Variants in XAB2 observed in about 807,000 individuals in gnomAD.
XAB2 encodes the protein XPA binding protein 2, also known as pre-mRNA-splicing factor SYF1.
In XAB2, 57 loss-of-function variants were observed where a neutral mutation model predicts 113.4. That is an observed-to-expected ratio of 0.50 (90% CI 0.41 to 0.63). XAB2 has a LOEUF of 0.63. XAB2 is among the 20% of genes least tolerant of loss of function. The pLI, the probability that XAB2 is intolerant of heterozygous loss-of-function variation, is 0.00. For synonymous variants in XAB2, 497 were observed against 498.8 expected (o/e 1.00, Z 0.05); for missense variants, 1,037 against 1,233.3 (o/e 0.84, Z 2.38).
Position 7,628,330 on chromosome 19 carries a change from G to T in XAB2, c.52-32C>A. 6.2e-7 allele frequency: 1 copy of T among 1,613,088 alleles called. No homozygotes were observed. Among genetic ancestry groups the T allele is most frequent in the Non-Finnish European group, 8.5e-7 (1 of 1,179,852 alleles). On this transcript the variant is annotated intron_variant, in intron 1 of 18. Coordinates refer to ENST00000358368, the MANE Select transcript of XAB2 (RefSeq NM_020196.3). The surrounding 1 kb of genome is among the most constrained non-coding windows in gnomAD (Gnocchi z 4.6). Reference sequence around the variant, plus strand: ...GGGCCAGGGAATGGGAAGAAGAGAGGCCTACCCTCAGAGCCTGTGTGCAGC... The same window carrying T: ...GGGCCAGGGAATGGGAAGAAGAGAGTCCTACCCTCAGAGCCTGTGTGCAGC...
At chr19:7,621,477 C>T in intron 12 of XAB2, 180 bp from the exon 13 acceptor site, 1 of 649,424 alleles carries the variant, frequency 1.5e-6, no homozygotes, top group East Asian at 2.7e-5. Flanking sequence ...CTGTCTCCCT[C>T]TGTGAGAACC....
rs2031141739 is a variant in XAB2 at position 7,626,368 on chromosome 19, T to C, written c.523-98A>G. 3.9e-6 allele frequency: 6 copies of C among 1,522,354 alleles called. No homozygotes were observed. In the South Asian group the frequency reaches 6.0e-5, roughly 15 times the overall value. The allele number at this position is 1,522,354 out of a possible 1,614,324, so 94.3% of individuals were successfully genotyped here. ...CGGGGCGTCCCCCCCCACCCATTTA[T>C]GAGTGTCTTGGGCAAAAGCAAGCCC... is the stretch of plus-strand genomic sequence containing the variant. On this transcript the variant is annotated intron_variant, in intron 4 of 18. Transcript: ENST00000358368.
rs187588741 is a variant in XAB2 at position 7,625,028 on chromosome 19, C to T, written c.823-583G>A. ...GCGCATACCGCCCACACCCCACTGG[C>T]GGCTCCCCCAGCCAGGAGCATGGCC... On this transcript the variant is annotated intron_variant, in intron 6 of 18. Transcript: ENST00000358368. The surrounding 1 kb of genome is among the most constrained non-coding windows in gnomAD (Gnocchi z 5.2). Among the ~76,000 whole-genome samples the T allele has an allele frequency of 3.6e-3, 543 of 152,358 alleles. 2 individuals are homozygous for T. Among genetic ancestry groups the T allele is most frequent in the Non-Finnish European group, 5.7e-3 (388 of 68,030 alleles).
chr19:7,628,983 C>T lies in XAB2; in HGVS notation c.51+494G>A, dbSNP rs1449330412. 6.6e-6 allele frequency among the ~76,000 whole-genome samples: 1 copy of T among 152,218 alleles called. No individual in the cohort carries two copies. Among genetic ancestry groups the T allele is most frequent in the Non-Finnish European group, 1.5e-5 (1 of 68,040 alleles). ...CCTCTACTCCAGAGAGTAAGTATTT[C>T]ACTGGCCATCGCCTGACAAGCTCCA... On this transcript the variant is annotated intron_variant, in intron 1 of 18. Transcript: ENST00000358368. The surrounding 1 kb of genome is among the most constrained non-coding windows in gnomAD (Gnocchi z 4.6).
In XAB2 at chr19:7,625,869, C is replaced by T; in HGVS notation, c.822+11G>A. ...CGCCCCGAACCCAGAGCCCCGTGTG[C>T]CAGCATGCACCTTCTCGAAATGGCC... On this transcript the variant is annotated intron_variant, in intron 6 of 18. Coordinates refer to ENST00000358368, the MANE Select transcript of XAB2 (RefSeq NM_020196.3). The surrounding 1 kb of genome is among the most constrained non-coding windows in gnomAD (Gnocchi z 5.2). 6.3e-7 allele frequency: 1 copy of T among 1,590,420 alleles called. No individual in the cohort carries two copies. Among genetic ancestry groups the T allele is most frequent in the Non-Finnish European group, 8.6e-7 (1 of 1,164,162 alleles).
At chr19:7,621,095 G>GCCCCCCCCCCCCCCCCC in intron 13 of XAB2, 40 bp downstream of exon 13, 18 of 1,486,198 alleles carry the variant, frequency 1.2e-5, no homozygotes, top group East Asian at 2.5e-5. Flanking sequence ...CAGAAACCCA[G>GCCCCCCCCCCCCCCCCC]CCCGCCCGCC....
At position 7,625,725 on chromosome 19, in the gene XAB2, C is replaced by T. The variant is rs549631419; in HGVS notation, c.822+155G>A. On this transcript the variant is annotated intron_variant, in intron 6 of 18. Coordinates refer to ENST00000358368, the MANE Select transcript of XAB2 (RefSeq NM_020196.3). The surrounding 1 kb of genome is among the most constrained non-coding windows in gnomAD (Gnocchi z 5.2). ...AACTGCTGACCTCAAGTGATCCTAC[C>T]GCCTCGGCCTCCCAAAGTGCTGGGA... Among the ~76,000 whole-genome samples the T allele has an allele frequency of 1.5e-3, 231 of 152,202 alleles. 1 individual carries two copies. Among genetic ancestry groups the T allele is most frequent in the South Asian group, 2.7e-3 (13 of 4,826 alleles).
rs2031126616 is a variant in XAB2, at chr19:7,625,785, G to C, written c.822+95C>G. 6.8e-7 allele frequency: 1 copy of C among 1,474,818 alleles called. No individual in the cohort carries two copies. 91.4% of individuals were successfully genotyped at this position (1,474,818 alleles called of 1,614,324 possible). A position where few individuals can be genotyped will look rare whatever the true frequency, so the allele number is the denominator to read the frequency against. ...TGAGCCACCACACCCAGCCATAAAT[G>C]GCATGTTTTCTGCCTGTGCATGTGT... On this transcript the variant is annotated intron_variant, in intron 6 of 18. Transcript: ENST00000358368. The surrounding 1 kb of genome is among the most constrained non-coding windows in gnomAD (Gnocchi z 5.2).
chr19:7,626,711 T>G (rs1352943408), intron 4 of XAB2, among the ~76,000 whole-genome samples: 1 of 151,900 alleles, frequency 6.6e-6, no homozygotes, highest in African/African-American at 2.4e-5. Context: ...TTGGCCCCTT[T>G]GGGTCAGCCT....
chr19:7,624,516 C>G lies in XAB2; in HGVS notation c.823-71G>C, dbSNP rs1378730601. The G allele has an allele frequency of 6.2e-6, 10 of 1,604,234 alleles. No homozygotes were observed. Among genetic ancestry groups the G allele is most frequent in the Non-Finnish European group, 7.6e-6 (9 of 1,177,484 alleles). The stretch of plus-strand genomic sequence containing the variant: ...GGACAGGCAGCAGCACTCTTAGCAC[C>G]AGCCTCAATGTGGAACCCCTGGGGG... On this transcript the variant is annotated intron_variant, in intron 6 of 18. Transcript: ENST00000358368. The surrounding 1 kb of genome is among the most constrained non-coding windows in gnomAD (Gnocchi z 4.2).
chr19:7,620,312 C>A lies in XAB2; in HGVS notation c.2229G>T (p.Ser743=). Residue 743 remains serine, a synonymous_variant, in exon 16 of 19, where the codon TCG becomes TCT. Transcript: ENST00000358368. ...TYNTQVNFMA[S]QMLKVSGSAT... ...CACTGCCCGAGACCTTGAGCATCTG[C>A]GAGGCCATGAAGTTGACCTGCGTGT... 3 of 1,613,624 alleles carry A rather than the reference C, an allele frequency of 1.9e-6. No individual in the cohort carries two copies. The highest frequency in any genetic ancestry group is 1.1e-5 in the South Asian group (1 of 91,090).
At chr19:7,620,147 C>A (rs1054192942) in intron 16 of XAB2, 72 bp from the exon 17 acceptor site, 31 of 1,593,492 alleles carry the variant, frequency 1.9e-5, no homozygotes, top group Non-Finnish European at 2.5e-5. Flanking sequence ...CTATCCCAGT[C>A]CCCCAGGTGA....
rs1288137809 is a variant in XAB2 at position 7,624,035 on chromosome 19, C to A, written c.968-153G>T. ...AGCTCGGGTGTCCACCTGAGCCCCA[C>A]CCCCAGCCCCAGGTACTGTGGATAC... On this transcript the variant is annotated intron_variant, in intron 7 of 18. Coordinates refer to ENST00000358368, the MANE Select transcript of XAB2 (RefSeq NM_020196.3). This position sits in a 1 kb window ranked among gnomAD's most constrained non-coding sequence, Gnocchi z 4.2. 2.7e-5 allele frequency among the ~76,000 whole-genome samples: 4 copies of A among 150,696 alleles called. No homozygotes were observed. The highest frequency in any genetic ancestry group is 2.1e-4 in the South Asian group (1 of 4,744).
At chr19:7,629,385 T>C (rs1726806427) in intron 1 of XAB2, 92 bp downstream of exon 1, 2 of 1,502,312 alleles carry the variant, frequency 1.3e-6, no homozygotes, top group African/African-American at 1.4e-5. Flanking sequence ...AGTTTCGGCC[T>C]AAATCTCCTT....
chr19:7,621,094 A>AAACCCCCCCCCCCC, intron 13 of XAB2, 41 bp downstream of exon 13: 9 of 1,494,360 alleles, frequency 6.0e-6, no homozygotes, highest in African/African-American at 1.4e-5. Context: ...TCAGAAACCC[A>AAACCCCCCCCCCCC]GCCCGCCCGC....
Position 7,625,287 on chromosome 19 carries a change from G to T in XAB2, c.822+593C>A, listed in dbSNP as rs2017068377. On this transcript the variant is annotated intron_variant, in intron 6 of 18. Transcript: ENST00000358368. This position sits in a 1 kb window ranked among gnomAD's most constrained non-coding sequence, Gnocchi z 5.2. ...AGCTGATTGGTGACAGGCAGTAACT[G>T]TCACCCTGATTTTACAAATGAAGAC... Among the ~76,000 whole-genome samples, 1 of 152,158 alleles carries T rather than the reference G, an allele frequency of 6.6e-6. No individual in the cohort carries two copies. The highest frequency in any genetic ancestry group is 2.4e-5 in the African/African-American group (1 of 41,444).
rs4134845 is a variant in XAB2, at chr19:7,623,935, C to T, written c.968-53G>A. Reference sequence around the variant, plus strand: ...GGCGGAGACCCAGGATGCAGGTCCCCGGATGCCACCGCCTCCACTCCCCAC... The same window carrying T: ...GGCGGAGACCCAGGATGCAGGTCCCTGGATGCCACCGCCTCCACTCCCCAC... On this transcript the variant is annotated intron_variant, in intron 7 of 18. Coordinates refer to ENST00000358368, the MANE Select transcript of XAB2 (RefSeq NM_020196.3). The surrounding 1 kb of genome is among the most constrained non-coding windows in gnomAD (Gnocchi z 4.6). 241 of 1,485,370 alleles carry T rather than the reference C, an allele frequency of 1.6e-4. No individual in the cohort carries two copies. Among genetic ancestry groups the T allele is most frequent in the Middle Eastern group, 4.8e-4 (2 of 4,154 alleles). 92.0% of individuals were successfully genotyped at this position (1,485,370 alleles called of 1,614,324 possible).
rs144491789 is a variant in XAB2 at position 7,620,277 on chromosome 19, G to A, written c.2264C>T (p.Thr755Ile). ...CTCAGCCAGCTGGGACGGCTCACCG[G>A]TGCCCGTGGCACTGCCCGAGACCTT... is the stretch of plus-strand genomic sequence containing the variant. ...MLKVSGSATG[T>I]VSDLAPGQSG... The change falls in exon 16 of 19, where the codon ACC becomes ATC. Residue 755 changes from threonine (T) to isoleucine (I), a missense_variant and splice_region_variant. Thr to Ile is a moderately conservative substitution (Grantham distance 89, BLOSUM62 -1). Coordinates refer to ENST00000358368, the MANE Select transcript of XAB2 (RefSeq NM_020196.3). The A allele has an allele frequency of 6.2e-7, 1 of 1,613,180 alleles. No individual in the cohort carries two copies. The highest frequency in any genetic ancestry group is 8.5e-7 in the Non-Finnish European group (1 of 1,180,000).
chr19:7,620,720 G>A, intron 14 of XAB2, 51 bp from the exon 15 acceptor site: 1 of 1,604,358 alleles, frequency 6.2e-7, no homozygotes, highest in Non-Finnish European at 8.5e-7. Context: ...TAGCTCGGGG[G>A]CTCCCAACAC....
Sources: gnomAD v4.1 joint callset for allele counts (sites outside exome capture counted in the v4.1 genomes callset) on GRCh38, gnomAD v4.1.1 for gene constraint, Gnocchi (gnomAD v3.1) non-coding constraint, MANE v1.5 for transcripts, NCBI Gene and HGNC (gene_info 2026-07-23, HGNC 2026-07-21) for gene names.